Variants in CABP1 observed in about 807,000 individuals in gnomAD.
CABP1 encodes calcium-binding protein 1.
CABP1 carries 17 observed loss-of-function variants against 34.3 expected under a neutral mutation model. The ratio of observed to expected loss-of-function variants is 0.50; its 90% CI spans 0.34 to 0.74. CABP1 has a LOEUF of 0.74. CABP1 is among the 30% of genes least tolerant of loss of function. The probability of loss-of-function intolerance (pLI) is 0.01; values close to 1 mark genes in which losing one functional copy is unlikely to be tolerated. For synonymous variants in CABP1, 198 were observed against 229.2 expected (o/e 0.86, Z 1.23); for missense variants, 373 against 511.1 (o/e 0.73, Z 2.61).
the CABP1 span, among the ~76,000 whole-genome samples, chr12:120,680,737 T>A: frequency 3.9e-5 from 6 of 152,086 alleles, no homozygotes; most frequent in African/African-American, 1.4e-4. Flanking sequence ...TCTGGGTCAG[T>A]GCTTTTGGAT....
chr12:120,641,493 G>A lies in CABP1; in HGVS notation c.654+154G>A, dbSNP rs1879321518. 1.3e-6 allele frequency: 1 copy of A among 785,862 alleles called. No individual in the cohort carries two copies. Among genetic ancestry groups the A allele is most frequent in the Non-Finnish European group, 1.7e-6 (1 of 581,472 alleles). 48.7% of individuals were successfully genotyped at this position (785,862 alleles called of 1,614,324 possible). On this transcript the variant is annotated intron_variant, in intron 1 of 5. Coordinates refer to ENST00000316803, the MANE Select transcript of CABP1 (RefSeq NM_001033677.2). The surrounding 1 kb of genome is among the most constrained non-coding windows in gnomAD (Gnocchi z 6.7). Reference sequence around the variant, plus strand: ...CCTCCCCGGGCCGGCGCCCTTGCCGGCACTCCTCCTCCCCGTGCCTGATTC... The same window carrying A: ...CCTCCCCGGGCCGGCGCCCTTGCCGACACTCCTCCTCCCCGTGCCTGATTC...
chr12:120,659,193 G>T (rs996237288), intron 1 of CABP1: 1 of 152,284 alleles, frequency 6.6e-6, no homozygotes, highest in African/African-American at 2.4e-5. Flanking sequence ...CATGACAGGG[G>T]AACGTACAGG....
intron 1 of CABP1, among the ~76,000 whole-genome samples, chr12:120,658,506 C>T (rs1312765887): frequency 6.6e-6 from 1 of 152,136 alleles, no homozygotes; most frequent in Non-Finnish European, 1.5e-5. Flanking sequence ...CAGCCTGCTC[C>T]CTCCAAGCTC....
At position 120,666,815 on chromosome 12, in the gene CABP1, A is replaced by C. The variant is rs1881021884; in HGVS notation, c.1088-60A>C. On this transcript the variant is annotated intron_variant, in intron 5 of 5. Coordinates refer to ENST00000316803, the MANE Select transcript of CABP1 (RefSeq NM_001033677.2). ...TGGCAACAGGGTGGGGTCTGAAGGC[A>C]GCAACCTGGGGAGGCCTCTGGCTGC... 1.9e-6 allele frequency: 3 copies of C among 1,560,788 alleles called. No homozygotes were observed. The South Asian group carries it at 3.5e-5, about 18-fold the overall frequency.
intron 5 of CABP1, among the ~76,000 whole-genome samples, chr12:120,666,521 G>A (rs560757475): frequency 6.7e-6 from 1 of 150,206 alleles, no homozygotes; most frequent in East Asian, 2.0e-4. Context: ...GAGAGAGTGC[G>A]CCAGCTGCAC....
In CABP1 at chr12:120,660,248, C is replaced by T. The variant is rs1237871973; in HGVS notation, c.738C>T (p.Asn246=). 1 of 1,614,216 alleles carries T rather than the reference C, an allele frequency of 6.2e-7. No homozygotes were observed. Among genetic ancestry groups the T allele is most frequent in the Non-Finnish European group, 8.5e-7 (1 of 1,180,040 alleles). The change falls in exon 3 of 6, where the codon AAC becomes AAT. Residue 246 remains asparagine (N), a synonymous_variant. Coordinates refer to ENST00000316803, the MANE Select transcript of CABP1 (RefSeq NM_001033677.2). This position sits in a 1 kb window ranked among gnomAD's most constrained non-coding sequence, Gnocchi z 5.0. ...EFDKDKDGYI[N]CRDLGNCMRT... ...ACAAGGACAAGGATGGCTACATCAA[C>T]TGCCGGGATCTGGGCAACTGCATGC...
chr12:120,658,237 G>A (rs1393047603), intron 1 of CABP1, among the ~76,000 whole-genome samples: 1 of 152,022 alleles, frequency 6.6e-6, no homozygotes, highest in Non-Finnish European at 1.5e-5. Context: ...GGGACTACAG[G>A]CGTGAACCAC....
rs374336059 is a variant in CABP1, at chr12:120,660,870, C to T, written c.939+30C>T. 1.3e-5 allele frequency: 20 copies of T among 1,527,026 alleles called. No individual in the cohort carries two copies. The highest frequency in any genetic ancestry group is 6.7e-5 in the South Asian group (6 of 89,240). 94.6% of individuals were successfully genotyped at this position (1,527,026 alleles called of 1,614,324 possible). On this transcript the variant is annotated intron_variant, in intron 4 of 5. Coordinates refer to ENST00000316803, the MANE Select transcript of CABP1 (RefSeq NM_001033677.2). The surrounding 1 kb of genome is among the most constrained non-coding windows in gnomAD (Gnocchi z 5.0). ...CGGACAGAGGCAGGCAGGCATGGGG[C>T]GGCTATTGGAATCCTATCTGCAGTA...
intron 5 of CABP1, among the ~76,000 whole-genome samples, chr12:120,663,368 G>A (rs1266775518): frequency 6.6e-6 from 1 of 151,990 alleles, no homozygotes; most frequent in Non-Finnish European, 1.5e-5. Flanking sequence ...TCCGCCTCCC[G>A]GGTTCAAGTG....
intron 1 of CABP1, chr12:120,655,870 G>C (rs1363237873): frequency 6.5e-7 from 1 of 1,535,964 alleles, no homozygotes; most frequent in East Asian, 2.4e-5. Context: ...CCACACAGAG[G>C]GCATCACATT....
intron 1 of CABP1, among the ~76,000 whole-genome samples, chr12:120,645,071 C>T (rs897970684): frequency 6.6e-6 from 1 of 152,202 alleles, no homozygotes; most frequent in Non-Finnish European, 1.5e-5. Flanking sequence ...TCCCAAAGTG[C>T]TGGGATTACA....
chr12:120,644,380 G>A (rs1211330009), intron 1 of CABP1, among the ~76,000 whole-genome samples: 1 of 152,188 alleles, frequency 6.6e-6, no homozygotes, highest in Non-Finnish European at 1.5e-5. Context: ...GCCAGGTGAG[G>A]ATGGCTATTA....
chr12:120,679,902 T>G, the CABP1 span, among the ~76,000 whole-genome samples: 78 of 152,172 alleles, frequency 5.1e-4, no homozygotes, highest in Non-Finnish European at 8.5e-4. Flanking sequence ...GCCAGCATGG[T>G]AGCTCATGCC....
At chr12:120,669,370 G>A (rs917817314), downstream of CABP1, among the ~76,000 whole-genome samples, 4 of 152,238 alleles carry the variant, frequency 2.6e-5, no homozygotes, top group Non-Finnish European at 5.9e-5. Flanking sequence ...TCCGCCCAGA[G>A]ACTCCAGAGT....
At position 120,640,876 on chromosome 12, in the gene CABP1, A is replaced by G; in HGVS notation, c.191A>G (p.Lys64Arg). Residue 64 changes from lysine (K) to arginine (R), a missense_variant, in exon 1 of 6, where the codon AAA (lysine) becomes AGA (arginine). Physicochemically the swap from Lys to Arg is conservative, Grantham distance 26. Around this residue, in one of 4 missense-constraint regions of CABP1, gnomAD observed 134 missense variants for 145.4 expected, o/e 0.92. Coordinates refer to ENST00000316803, the MANE Select transcript of CABP1 (RefSeq NM_001033677.2). The surrounding 1 kb of genome is among the most constrained non-coding windows in gnomAD (Gnocchi z 6.2). ...GCCGCGATGAGCTCGCACATCGCCA[A>G]AAGCGAGTCCAAGACGTCGCTGCTG... The part of the protein sequence containing the change: ...GPAAMSSHIA[K>R]SESKTSLLKA... The G allele has an allele frequency of 1.8e-6, 2 of 1,084,860 alleles. No individual in the cohort carries two copies. Among genetic ancestry groups the G allele is most frequent in the Non-Finnish European group, 2.2e-6 (2 of 895,396 alleles). 67.2% of individuals were successfully genotyped at this position (1,084,860 alleles called of 1,614,324 possible). A position where few individuals can be genotyped will look rare whatever the true frequency, so the allele number is the denominator to read the frequency against.
the CABP1 span, among the ~76,000 whole-genome samples, chr12:120,678,846 G>A: frequency 2.0e-5 from 3 of 152,096 alleles, no homozygotes; most frequent in Admixed American, 6.5e-5. Flanking sequence ...CTGAGGGGGG[G>A]GCAGATCACT....
At chr12:120,644,497 G>A (rs558019299) in intron 1 of CABP1, among the ~76,000 whole-genome samples, 2 of 152,196 alleles carry the variant, frequency 1.3e-5, no homozygotes, top group South Asian at 2.1e-4. Flanking sequence ...AAATTAACTC[G>A]GCAGAGGCAT....
rs181553278 is a variant in CABP1 at position 120,641,609 on chromosome 12, G to C, written c.654+270G>C. On this transcript the variant is annotated intron_variant, in intron 1 of 5. Transcript: ENST00000316803. The surrounding 1 kb of genome is among the most constrained non-coding windows in gnomAD (Gnocchi z 6.7). Reference sequence around the variant, plus strand: ...ATACCCGCCAGAACCCGCCAGTCCTGGAAGAGAGCGACCTCTACGACCGTC... The same window carrying C: ...ATACCCGCCAGAACCCGCCAGTCCTCGAAGAGAGCGACCTCTACGACCGTC... 7.4e-3 allele frequency: 2,574 copies of C among 347,874 alleles called. 13 individuals are homozygous for C. Among genetic ancestry groups the C allele is most frequent in the Middle Eastern group, 0.022 (29 of 1,332 alleles). 21.5% of individuals were successfully genotyped at this position (347,874 alleles called of 1,614,324 possible).
rs1236767737 is a variant in CABP1, at chr12:120,661,388, C to T, written c.1087+170C>T. On this transcript the variant is annotated intron_variant, in intron 5 of 5. Transcript: ENST00000316803. The surrounding 1 kb of genome is among the most constrained non-coding windows in gnomAD (Gnocchi z 5.1). ...CCCCCGTCTAATCCATCTCCCATCC[C>T]TTCCCCATGCATCTATTCATGCATC... 4 of 640,162 alleles carry T rather than the reference C, an allele frequency of 6.2e-6. No individual in the cohort carries two copies. In the East Asian group the frequency reaches 1.1e-4, roughly 18 times the overall value. The allele number at this position is 640,162 out of a possible 1,614,324, so 39.7% of individuals were successfully genotyped here.
Sources: gnomAD v4.1 joint callset for allele counts (sites outside exome capture counted in the v4.1 genomes callset) on GRCh38, gnomAD v4.1.1 for gene constraint, gnomAD v4.1.1 regional missense constraint, Gnocchi (gnomAD v3.1) non-coding constraint, MANE v1.5 for transcripts, NCBI Gene and HGNC (gene_info 2026-07-23, HGNC 2026-07-21) for gene names.